Variants in SLIT1 observed in about 807,000 individuals in gnomAD.
The protein encoded by SLIT1 is slit homolog 1 protein.
Under a neutral mutation model 186.1 loss-of-function variants are expected in SLIT1, and 66 were observed. The observed-to-expected ratio is 0.35, with a 90% CI of 0.29 to 0.44. The LOEUF (loss-of-function observed/expected upper bound fraction) is 0.44. Ranked by LOEUF, SLIT1 falls within the 20% of genes least tolerant of loss-of-function variation. SLIT1 has a pLI of 1.00. For missense variants in SLIT1, 1,638 were observed against 2,037.4 expected (o/e 0.80, Z 3.77); for synonymous variants, 761 against 833.8 (o/e 0.91, Z 1.50).
rs1849557346 is a variant in SLIT1, at chr10:97,121,203, G to A, written c.413+36615C>T. On this transcript the variant is annotated intron_variant, in intron 4 of 36. Coordinates refer to ENST00000266058, the MANE Select transcript of SLIT1 (RefSeq NM_003061.3). The stretch of plus-strand genomic sequence containing the variant: ...TGCCTCTCAACAGCATGGAAGGCCT[G>A]CCATCTGGACCCACATTTTCACTTT... Among the ~76,000 whole-genome samples, 3 of 152,162 alleles carry A rather than the reference G, an allele frequency of 2.0e-5. No homozygotes were observed. In the South Asian group the frequency reaches 6.2e-4, roughly 32 times the overall value.
intron 1 of SLIT1, among the ~76,000 whole-genome samples, chr10:97,171,042 T>C (rs115419017): frequency 0.022 from 3,272 of 152,162 alleles, 124 homozygotes; most frequent in African/African-American, 0.074. Context: ...TCACCCTTCC[T>C]GCAGGGTCTC....
chr10:97,057,886 A>G (rs1191381203), intron 11 of SLIT1: 1 of 679,502 alleles, frequency 1.5e-6, no homozygotes, highest in Non-Finnish European at 2.8e-6. Flanking sequence ...GAAAACATCC[A>G]GGAGGTTTGG....
chr10:97,149,188 T>C (rs1313634564), intron 4 of SLIT1, among the ~76,000 whole-genome samples: 1 of 152,240 alleles, frequency 6.6e-6, no homozygotes, highest in Non-Finnish European at 1.5e-5. Flanking sequence ...CATTCATCCA[T>C]GCTGGGCGCA....
chr10:97,084,178 C>T (rs866469357), intron 4 of SLIT1, among the ~76,000 whole-genome samples: 5 of 152,216 alleles, frequency 3.3e-5, no homozygotes, highest in Non-Finnish European at 5.9e-5. Context: ...GGCTCAGGAG[C>T]CTTCATCTTA....
chr10:97,098,682 G>A (rs1024256258), intron 4 of SLIT1, among the ~76,000 whole-genome samples: 4 of 152,192 alleles, frequency 2.6e-5, no homozygotes, highest in Non-Finnish European at 5.9e-5. Flanking sequence ...AAACAAGAGC[G>A]GATCAGCGTG....
In SLIT1 at chr10:97,137,104, T is replaced by C. The variant is rs556002688; in HGVS notation, c.413+20714A>G. Among the ~76,000 whole-genome samples, 25 of 152,352 alleles carry C rather than the reference T, an allele frequency of 1.6e-4. No individual in the cohort carries two copies. In the South Asian group the frequency reaches 5.0e-3, roughly 30 times the overall value. ...TTTGCAGATTTGACCACAATCCTTT[T>C]ATCAGCATTAAAAACAACCATTTTT... On this transcript the variant is annotated intron_variant, in intron 4 of 36. Transcript: ENST00000266058.
intron 4 of SLIT1, among the ~76,000 whole-genome samples, chr10:97,127,367 A>C (rs918823931): frequency 6.6e-6 from 1 of 152,244 alleles, no homozygotes; most frequent in African/African-American, 2.4e-5. Flanking sequence ...TCATCAGCCA[A>C]GCCTTATAGC....
intron 4 of SLIT1, among the ~76,000 whole-genome samples, chr10:97,104,528 A>G (rs1302258381): frequency 6.6e-6 from 1 of 152,078 alleles, no homozygotes; most frequent in Non-Finnish European, 1.5e-5. Context: ...TCCACACACA[A>G]GCAAATGTAC....
At chr10:97,088,071 G>T (rs1045676435) in intron 4 of SLIT1, among the ~76,000 whole-genome samples, 2 of 152,068 alleles carry the variant, frequency 1.3e-5, no homozygotes, top group Non-Finnish European at 2.9e-5. Context: ...CTGCACACTG[G>T]AACTATCTGG....
In SLIT1 at chr10:97,006,861, T is replaced by C. The variant is rs976592964; in HGVS notation, c.3342-141A>G. ...CAGAAGATGCTCCTAATAAACACTTTTCATGAGAGAGCTGAGAGCCAGAAG... is the reference window on the plus strand; with the variant it reads ...CAGAAGATGCTCCTAATAAACACTTCTCATGAGAGAGCTGAGAGCCAGAAG... On this transcript the variant is annotated intron_variant, in intron 31 of 36. Coordinates refer to ENST00000266058, the MANE Select transcript of SLIT1 (RefSeq NM_003061.3). The surrounding 1 kb of genome is among the most constrained non-coding windows in gnomAD (Gnocchi z 4.0). The C allele has an allele frequency of 2.9e-5, 19 of 645,060 alleles. No individual in the cohort carries two copies. In the East Asian group the frequency reaches 5.2e-4, roughly 18 times the overall value. 40.0% of individuals were successfully genotyped at this position (645,060 alleles called of 1,614,324 possible). A position where few individuals can be genotyped will look rare whatever the true frequency, so the allele number is the denominator to read the frequency against.
chr10:97,093,917 C>CCA (rs1849259520), intron 4 of SLIT1, among the ~76,000 whole-genome samples: 1 of 152,212 alleles, frequency 6.6e-6, no homozygotes, highest in African/African-American at 2.4e-5. Context: ...TCCCTCACAG[C>CCA]CACACTTTCC....
Position 97,047,670 on chromosome 10 carries a change from G to A in SLIT1, c.1634+20C>T, listed in dbSNP as rs191458322. 8 of 1,610,558 alleles carry A rather than the reference G, an allele frequency of 5.0e-6. No individual in the cohort carries two copies. Among genetic ancestry groups the A allele is most frequent in the South Asian group, 2.2e-5 (2 of 91,016 alleles). Reference sequence around the variant, plus strand: ...GGCAGTTAGGGACAGGGGAGGGCTGGGGGGGCCAGGGACCCTCACAGTTCT... The same window carrying A: ...GGCAGTTAGGGACAGGGGAGGGCTGAGGGGGCCAGGGACCCTCACAGTTCT... On this transcript the variant is annotated intron_variant, in intron 16 of 36. Transcript: ENST00000266058.
intron 26 of SLIT1, among the ~76,000 whole-genome samples, chr10:97,020,384 G>A (rs935762406): frequency 2.6e-5 from 4 of 152,074 alleles, no homozygotes; most frequent in Admixed American, 2.0e-4. Flanking sequence ...GTTCTCTTTC[G>A]ATAAAAATAA....
rs1194957945 is a variant in SLIT1, at chr10:97,057,382, A to T, written c.1086-101T>A. 4 of 813,766 alleles carry T rather than the reference A, an allele frequency of 4.9e-6. No homozygotes were observed. In the Admixed American group the frequency reaches 8.3e-5, roughly 17 times the overall value. 50.4% of individuals were successfully genotyped at this position (813,766 alleles called of 1,614,324 possible). On this transcript the variant is annotated intron_variant, in intron 11 of 36. Transcript: ENST00000266058. ...AGCTCAACAGCGCTGCCCCTAAGCC[A>T]TTTACATGGAGCACATCCTAATGGT...
chr10:97,050,660 T>C (rs923688662), intron 13 of SLIT1, among the ~76,000 whole-genome samples: 1 of 152,198 alleles, frequency 6.6e-6, no homozygotes, highest in Non-Finnish European at 1.5e-5. Context: ...TGCTTATGAC[T>C]CCTCCCCAGC....
At chr10:97,060,911 AG>A in intron 8 of SLIT1, 124 bp from the exon 9 acceptor site, 1 of 1,034,258 alleles carries the variant, frequency 9.7e-7, no homozygotes, top group South Asian at 1.7e-5. Flanking sequence ...GATGAACCAG[AG>A]GGGATCACTA....
intron 4 of SLIT1, among the ~76,000 whole-genome samples, chr10:97,099,223 C>T (rs1456615952): frequency 6.6e-6 from 1 of 151,958 alleles, no homozygotes; most frequent in Non-Finnish European, 1.5e-5. Flanking sequence ...GGGGCCAGGG[C>T]TTGATGTGGG....
chr10:97,059,598 C>G lies in SLIT1; in HGVS notation c.1014-67G>C, dbSNP rs768579402. On this transcript the variant is annotated intron_variant, in intron 10 of 36. Transcript: ENST00000266058. ...AACAGCCACTAAGCCCTGCCCAGTC[C>G]CCTCCACCTCCTAGATGTCACAGGA... 9.5e-6 allele frequency: 11 copies of G among 1,159,838 alleles called. No individual in the cohort carries two copies. In the South Asian group the frequency reaches 1.4e-4, roughly 14 times the overall value. 71.8% of individuals were successfully genotyped at this position (1,159,838 alleles called of 1,614,324 possible).
chr10:97,179,797 C>T (rs970387794), intron 1 of SLIT1, among the ~76,000 whole-genome samples: 2 of 111,310 alleles, frequency 1.8e-5, no homozygotes, highest in African/African-American at 5.7e-5. Flanking sequence ...ATTCTCCACA[C>T]CCTCCCCGCC....
Sources: gnomAD v4.1 joint callset for allele counts (sites outside exome capture counted in the v4.1 genomes callset) on GRCh38, gnomAD v4.1.1 for gene constraint, Gnocchi (gnomAD v3.1) non-coding constraint, MANE v1.5 for transcripts, NCBI Gene and HGNC (gene_info 2026-07-23, HGNC 2026-07-21) for gene names.